The following TBC1D5 variants were observed in gnomAD, a reference collection of about 807,000 sequenced individuals.
TBC1D5 encodes TBC1 domain family, member 5.
In TBC1D5, 75 loss-of-function variants were observed where a neutral mutation model predicts 100.3. The ratio of observed to expected loss-of-function variants is 0.75; its 90% CI spans 0.62 to 0.91. TBC1D5 has a LOEUF of 0.91. Ranked by LOEUF, TBC1D5 falls within the 40% of genes least tolerant of loss-of-function variation. The pLI, the probability that TBC1D5 is intolerant of heterozygous loss-of-function variation, is 0.00. For missense variants in TBC1D5, 910 were observed against 942.4 expected, an observed-to-expected ratio of 0.97 and a Z score of 0.45; for synonymous variants, 323 against 325.6, an observed-to-expected ratio of 0.99 and a Z score of 0.09.
chr3:17,576,949 G>GA (rs1475961015), intron 2 of TBC1D5, among the ~76,000 whole-genome samples: 9 of 151,722 alleles, frequency 5.9e-5, no homozygotes, highest in Non-Finnish European at 7.4e-5. Flanking sequence ...TGTAATATAG[G>GA]AAAAAAACTG....
chr3:17,258,996 A>G (rs1030085108), intron 15 of TBC1D5, among the ~76,000 whole-genome samples: 4 of 152,212 alleles, frequency 2.6e-5, no homozygotes, highest in African/African-American at 9.6e-5. Context: ...GAAAGTCATT[A>G]GTTTTTTATG....
At chr3:17,319,588 A>AT (rs1000239513) in intron 13 of TBC1D5, among the ~76,000 whole-genome samples, 1 of 152,164 alleles carries the variant, frequency 6.6e-6, no homozygotes, top group Non-Finnish European at 1.5e-5. Flanking sequence ...ACATACAGAC[A>AT]TTTTTATGCA....
At chr3:17,585,932 A>G (rs538517206) in intron 2 of TBC1D5, among the ~76,000 whole-genome samples, 1 of 152,162 alleles carries the variant, frequency 6.6e-6, no homozygotes, top group Admixed American at 6.5e-5. Context: ...AAGTTCAATC[A>G]TTCTAATTTC....
chr3:17,164,784 G>T (rs1029834540), intron 21 of TBC1D5, among the ~76,000 whole-genome samples: 1 of 152,202 alleles, frequency 6.6e-6, no homozygotes. Flanking sequence ...CTTTGCAGTG[G>T]AAGGCCCCAT....
At chr3:17,413,527 T>A (rs2093990259) in intron 4 of TBC1D5, among the ~76,000 whole-genome samples, 1 of 150,550 alleles carries the variant, frequency 6.6e-6, no homozygotes, top group African/African-American at 2.5e-5. Flanking sequence ...ATTATATATT[T>A]TAACATATAA....
intron 17 of TBC1D5, among the ~76,000 whole-genome samples, chr3:17,216,092 A>AT (rs2073600479): frequency 6.6e-6 from 1 of 152,148 alleles, no homozygotes; most frequent in Non-Finnish European, 1.5e-5. Flanking sequence ...TCCCTTGGAT[A>AT]GAAGGAGAGA....
At chr3:17,520,474 C>T (rs918768048) in intron 2 of TBC1D5, among the ~76,000 whole-genome samples, 5 of 151,864 alleles carry the variant, frequency 3.3e-5, no homozygotes, top group African/African-American at 1.2e-4. Flanking sequence ...CAGAAAAGGG[C>T]AAACTCAGTA....
chr3:17,580,751 T>C (rs1483368048), intron 2 of TBC1D5, among the ~76,000 whole-genome samples: 2 of 152,154 alleles, frequency 1.3e-5, no homozygotes, highest in East Asian at 3.9e-4. Flanking sequence ...CACCTATAAA[T>C]AAGATTTCCC....
At chr3:17,325,514 G>A (rs2085986331) in intron 13 of TBC1D5, among the ~76,000 whole-genome samples, 1 of 152,038 alleles carries the variant, frequency 6.6e-6, no homozygotes, top group Admixed American at 6.5e-5. Context: ...AGTAGAGACA[G>A]GGTTTCACCA....
intron 13 of TBC1D5, among the ~76,000 whole-genome samples, chr3:17,315,645 A>C (rs1362031089): frequency 3.3e-5 from 5 of 152,254 alleles, no homozygotes; most frequent in Admixed American, 3.3e-4. Flanking sequence ...GTAGTGGTGG[A>C]AGAGAGATTT....
chr3:17,440,105 T>A (rs1289815644), intron 3 of TBC1D5, among the ~76,000 whole-genome samples: 1 of 152,120 alleles, frequency 6.6e-6, no homozygotes, highest in East Asian at 1.9e-4. Flanking sequence ...CATACTTCAG[T>A]TTGATGAATG....
chr3:17,441,077 G>C (rs997829720), intron 3 of TBC1D5, among the ~76,000 whole-genome samples: 1 of 152,146 alleles, frequency 6.6e-6, no homozygotes, highest in Non-Finnish European at 1.5e-5. Context: ...ATAAATGATA[G>C]AATAGTTATC....
At chr3:17,700,315 T>A (rs1472730817) in intron 1 of TBC1D5, among the ~76,000 whole-genome samples, 1 of 152,128 alleles carries the variant, frequency 6.6e-6, no homozygotes, top group Non-Finnish European at 1.5e-5. Flanking sequence ...TTACACCTTA[T>A]ACAAAAATTA....
rs2075641626 is a variant in TBC1D5, at chr3:17,233,863, CAAAAG to C, written c.1588+4295_1588+4299del. 3 of 563,632 alleles carry C rather than the reference CAAAAG, an allele frequency of 5.3e-6. No individual in the cohort carries two copies. In the African/African-American group the frequency reaches 5.8e-5, roughly 11 times the overall value. The allele number at this position is 563,632 out of a possible 1,614,324, so 34.9% of individuals were successfully genotyped here. ...TAATCAAATTACTAAAAATATAGTA[CAAAAG>C]AAAATAATGCACAAGCTTAGAAAAA... On this transcript the variant is annotated intron_variant, in intron 17 of 21. Coordinates refer to ENST00000253692, the Ensembl canonical transcript of TBC1D5.
intron 2 of TBC1D5, among the ~76,000 whole-genome samples, chr3:17,620,171 C>T (rs1247554131): frequency 6.6e-6 from 1 of 152,180 alleles, no homozygotes; most frequent in African/African-American, 2.4e-5. Context: ...CAAAGTCTCA[C>T]TCTGTCACCC....
Position 17,500,774 on chromosome 3 carries a change from T to A in TBC1D5, c.97+7700A>T, listed in dbSNP as rs144088571. 7.5e-3 allele frequency among the ~76,000 whole-genome samples: 1,128 copies of A among 149,554 alleles called. 153 individuals carry two copies. The highest frequency in any genetic ancestry group is 0.028 in the African/African-American group (1,093 of 39,386). On this transcript the variant is annotated intron_variant, in intron 3 of 21. Coordinates refer to ENST00000253692, the Ensembl canonical transcript of TBC1D5. ...TATCCAAGTTCTAATCATGGGGACTTTCTACAAATCAATCCTTAGCTCTCT... is the reference window on the plus strand; with the variant it reads ...TATCCAAGTTCTAATCATGGGGACTATCTACAAATCAATCCTTAGCTCTCT...
intron 2 of TBC1D5, among the ~76,000 whole-genome samples, chr3:17,536,173 T>G (rs756671364): frequency 6.6e-6 from 1 of 152,166 alleles, no homozygotes; most frequent in African/African-American, 2.4e-5. Context: ...TGAAAGATAC[T>G]AGTCAAAGTT....
At chr3:17,182,586 C>T (rs1032779702) in intron 19 of TBC1D5, among the ~76,000 whole-genome samples, 1 of 152,186 alleles carries the variant, frequency 6.6e-6, no homozygotes, top group African/African-American at 2.4e-5. Flanking sequence ...AAATCTTTCT[C>T]CCCATCACTT....
rs997539549 is a variant in TBC1D5, at chr3:17,699,772, AC to A, written c.-101+39570del. ...CTTTCAATGTATCTGATTTAAAATT[AC>A]CACAGAGTATTGTGGGATTAAAGGA... On this transcript the variant is annotated intron_variant, in intron 1 of 21. Transcript: ENST00000253692. 1.2e-3 allele frequency among the ~76,000 whole-genome samples: 188 copies of A among 151,668 alleles called. 1 individual carries two copies. Among genetic ancestry groups the A allele is most frequent in the Admixed American group, 4.6e-3 (70 of 15,188 alleles).
Sources: allele counts gnomAD v4.1 joint callset (sites outside exome capture counted in the v4.1 genomes callset), GRCh38; gene constraint gnomAD v4.1.1; transcripts MANE v1.5; gene names NCBI Gene and HGNC (gene_info 2026-07-23, HGNC 2026-07-21).